The following ITPR3 variants were observed in gnomAD, a reference collection of about 807,000 sequenced individuals.
The protein encoded by ITPR3 is inositol 1,4,5-trisphosphate receptor type 3.
In ITPR3, 173 loss-of-function variants were observed where a neutral mutation model predicts 293.2. That is an observed-to-expected ratio of 0.59 (90% CI 0.52 to 0.67). The LOEUF (loss-of-function observed/expected upper bound fraction) is 0.67. Ranked by LOEUF, ITPR3 falls within the 30% of genes least tolerant of loss-of-function variation. The probability of loss-of-function intolerance (pLI) is 0.00; values close to 1 mark genes in which losing one functional copy is unlikely to be tolerated. For synonymous variants in ITPR3, 1,295 were observed against 1,444.4 expected, an observed-to-expected ratio of 0.90 and a Z score of 2.35; for missense variants, 2,796 against 3,592.1, an observed-to-expected ratio of 0.78 and a Z score of 5.66.
At chr6:33,661,902 A>G (rs1183896113) in intron 7 of ITPR3, among the ~76,000 whole-genome samples, 1 of 148,936 alleles carries the variant, frequency 6.7e-6, no homozygotes, top group Non-Finnish European at 1.5e-5. Flanking sequence ...AGGCAGAGGC[A>G]TGAGAATCAC....
At position 33,684,135 on chromosome 6, in the gene ITPR3, A is replaced by C. The variant is rs1765157748; in HGVS notation, c.4904A>C (p.Tyr1635Ser). 3.7e-6 allele frequency: 6 copies of C among 1,611,170 alleles called. No homozygotes were observed. The highest frequency in any genetic ancestry group is 5.1e-6 in the Non-Finnish European group (6 of 1,179,850). The change falls in exon 36 of 58, where the codon TAC becomes TCC. Residue 1635 changes from tyrosine to serine, a missense_variant. Transcript: ENST00000605930. The surrounding 1 kb of genome is among the most constrained non-coding windows in gnomAD (Gnocchi z 4.2). Reference protein sequence around the residue: ...ELLFLEGSEAYQRCESGGFLS... With the variant: ...ELLFLEGSEASQRCESGGFLS... The stretch of plus-strand genomic sequence containing the variant: ...CTCTTCCTGGAGGGCAGTGAGGCCT[A>C]CCAGCGCTGCGAGAGTGGGGGCTTC...
At chr6:33,653,663 C>T (rs1403885443) in intron 2 of ITPR3, among the ~76,000 whole-genome samples, 1 of 152,218 alleles carries the variant, frequency 6.6e-6, no homozygotes, top group Non-Finnish European at 1.5e-5. Flanking sequence ...TCCACCTATG[C>T]GTGTGGGCAG....
rs1353994010 is a variant in ITPR3, at chr6:33,682,328, G to A, written c.4477-196G>A. ...GGCCTTGGTGAGTTACAGGGCTGCC[G>A]TGTACAGTTGGGCAGGTCGTGCACT... On this transcript the variant is annotated intron_variant, in intron 33 of 57. Coordinates refer to ENST00000605930, the MANE Select transcript of ITPR3 (RefSeq NM_002224.4). The surrounding 1 kb of genome is among the most constrained non-coding windows in gnomAD (Gnocchi z 5.4). Among the ~76,000 whole-genome samples, 5 of 152,224 alleles carry A rather than the reference G, an allele frequency of 3.3e-5. No individual in the cohort carries two copies. Among genetic ancestry groups the A allele is most frequent in the African/African-American group, 7.2e-5 (3 of 41,454 alleles).
chr6:33,653,277 ACT>A (rs1491525944), intron 2 of ITPR3, among the ~76,000 whole-genome samples: 5 of 131,094 alleles, frequency 3.8e-5, no homozygotes, highest in Admixed American at 2.3e-4. Context: ...TTTTTTATTA[ACT>A]TTTTTTTTTT....
At chr6:33,637,328 A>C (rs979877990) in intron 1 of ITPR3, among the ~76,000 whole-genome samples, 1 of 152,190 alleles carries the variant, frequency 6.6e-6, no homozygotes, top group African/African-American at 2.4e-5. Context: ...AGAATGGCTC[A>C]CAGAACTCAG....
In ITPR3 at chr6:33,686,101, G is replaced by A. The variant is rs778763046; in HGVS notation, c.5716G>A (p.Glu1906Lys). 3.6e-5 allele frequency: 58 copies of A among 1,614,068 alleles called. No homozygotes were observed. The South Asian group carries it at 4.4e-4, about 12-fold the overall frequency. Reference sequence around the variant, plus strand: ...CAAAACCAACTACAACTTGGTATGCGAGACGCTGCAGTTCCTGGACATCAT... The same window carrying A: ...CAAAACCAACTACAACTTGGTATGCAAGACGCTGCAGTTCCTGGACATCAT... ...NNKTNYNLVCETLQFLDIMCG... is the reference protein window; with the variant it reads ...NNKTNYNLVCKTLQFLDIMCG... The change falls in exon 42 of 58, where the codon GAG (glutamate) becomes AAG (lysine). Residue 1906 changes from glutamate to lysine, a missense_variant. Coordinates refer to ENST00000605930, the MANE Select transcript of ITPR3 (RefSeq NM_002224.4).
At position 33,684,342 on chromosome 6, in the gene ITPR3, C is replaced by T. The variant is rs1765164589; in HGVS notation, c.4938-15C>T. 1.2e-6 allele frequency: 2 copies of T among 1,612,120 alleles called. No individual in the cohort carries two copies. Among genetic ancestry groups the T allele is most frequent in the Non-Finnish European group, 1.7e-6 (2 of 1,178,506 alleles). ...AGTGTGGGGCTGCCCTGAGCTGCCT[C>T]CTTGGCCGGCTCAGGCTGATCCAGC... is the stretch of plus-strand genomic sequence containing the variant. On this transcript the variant is annotated splice_polypyrimidine_tract_variant and intron_variant, in intron 36 of 57. Coordinates refer to ENST00000605930, the MANE Select transcript of ITPR3 (RefSeq NM_002224.4). This position sits in a 1 kb window ranked among gnomAD's most constrained non-coding sequence, Gnocchi z 4.2.
rs370348085 is a variant in ITPR3 at position 33,679,909 on chromosome 6, G to A, written c.4000G>A (p.Val1334Met). ...ELTNAGDDVVVFYNDKASLAH... is the reference protein window; with the variant it reads ...ELTNAGDDVVMFYNDKASLAH... Reference sequence around the variant, plus strand: ...GACCAATGCAGGTGACGATGTGGTCGTGTTCTACAATGATAAGGCATCGCT... The same window carrying A: ...GACCAATGCAGGTGACGATGTGGTCATGTTCTACAATGATAAGGCATCGCT... The change falls in exon 31 of 58, where the codon GTG becomes ATG. Residue 1334 changes from valine to methionine, a missense_variant. Physicochemically the swap from Val to Met is conservative, Grantham distance 21. This residue lies in a region of ITPR3 where 344 missense variants were observed against 460.3 expected (regional missense o/e 0.75). Transcript: ENST00000605930. The surrounding 1 kb of genome is among the most constrained non-coding windows in gnomAD (Gnocchi z 4.2). 24 of 1,613,650 alleles carry A rather than the reference G, an allele frequency of 1.5e-5. No individual in the cohort carries two copies. The highest frequency in any genetic ancestry group is 2.2e-5 in the East Asian group (1 of 44,866).
In ITPR3 at chr6:33,666,120, CAT is replaced by C; in HGVS notation, c.1551+145_1551+146del. ...GCCAGGGACTTCCCTAAGTACCCCA[CAT>C]GTGTTGACGAATTTGATCCTCACTG... On this transcript the variant is annotated intron_variant, in intron 14 of 57. Transcript: ENST00000605930. This position sits in a 1 kb window ranked among gnomAD's most constrained non-coding sequence, Gnocchi z 5.1. 1 of 905,046 alleles carries C rather than the reference CAT, an allele frequency of 1.1e-6. No homozygotes were observed. The highest frequency in any genetic ancestry group is 1.6e-6 in the Non-Finnish European group (1 of 621,986). The allele number at this position is 905,046 out of a possible 1,614,324, so 56.1% of individuals were successfully genotyped here.
rs1056840635 is a variant in ITPR3, at chr6:33,658,915, A to T, written c.528+87A>T. On this transcript the variant is annotated intron_variant, in intron 5 of 57. Coordinates refer to ENST00000605930, the MANE Select transcript of ITPR3 (RefSeq NM_002224.4). This position sits in a 1 kb window ranked among gnomAD's most constrained non-coding sequence, Gnocchi z 6.1. Reference sequence around the variant, plus strand: ...TTCGGTGTGGGGACTGGATAAGGGCATGCCCATTTCTTAGAAGGGCAGACT... The same window carrying T: ...TTCGGTGTGGGGACTGGATAAGGGCTTGCCCATTTCTTAGAAGGGCAGACT... The T allele has an allele frequency of 1.0e-5, 16 of 1,598,530 alleles. No individual in the cohort carries two copies. The African/African-American group carries it at 2.1e-4, about 21-fold the overall frequency.
chr6:33,681,663 G>A (rs1269004644), intron 33 of ITPR3, among the ~76,000 whole-genome samples: 1 of 152,190 alleles, frequency 6.6e-6, no homozygotes, highest in Non-Finnish European at 1.5e-5. Flanking sequence ...GGGCTACCTA[G>A]GGGCATAGGA....
At chr6:33,671,025 G>T in intron 20 of ITPR3, 140 bp from the exon 21 acceptor site, 1 of 1,436,910 alleles carries the variant, frequency 7.0e-7, no homozygotes, top group Non-Finnish European at 9.4e-7. Context: ...GCCTCTCCCT[G>T]CTCCGCTCTC....
At position 33,640,540 on chromosome 6, in the gene ITPR3, C is replaced by A; in HGVS notation, c.146C>A (p.Pro49His). ...EPAAGDLDNP[P>H]KKFRDCLFKV... ...GCGGCCGGGGACCTGGACAACCCCCCTAAGAAGTTCCGTGGTAAGACCTCC... is the reference window on the plus strand; with the variant it reads ...GCGGCCGGGGACCTGGACAACCCCCATAAGAAGTTCCGTGGTAAGACCTCC... The change falls in exon 2 of 58, where the codon CCT (proline) becomes CAT (histidine). Residue 49 changes from proline to histidine, a missense_variant. By Grantham distance (77) the Pro-to-His change is moderately conservative. Coordinates refer to ENST00000605930, the MANE Select transcript of ITPR3 (RefSeq NM_002224.4). 1.9e-6 allele frequency: 3 copies of A among 1,613,366 alleles called. No homozygotes were observed. Among genetic ancestry groups the A allele is most frequent in the Non-Finnish European group, 1.7e-6 (2 of 1,179,594 alleles).
intron 25 of ITPR3, 42 bp from the exon 26 acceptor site, chr6:33,676,726 C>G: frequency 6.2e-7 from 1 of 1,609,628 alleles, no homozygotes; most frequent in Non-Finnish European, 8.5e-7. Context: ...TGGCATGGAC[C>G]TGGAGCCCAT....
chr6:33,641,875 C>T (rs1222514949), intron 2 of ITPR3, among the ~76,000 whole-genome samples: 1 of 152,204 alleles, frequency 6.6e-6, no homozygotes, highest in Non-Finnish European at 1.5e-5. Flanking sequence ...AATACAAAAT[C>T]GCACTGCTGG....
rs1184638399 is a variant in ITPR3, at chr6:33,668,042, T to C, written c.1886+78T>C. The C allele has an allele frequency of 2.0e-6, 3 of 1,515,284 alleles. No homozygotes were observed. The African/African-American group carries it at 4.1e-5, about 21-fold the overall frequency. The allele number at this position is 1,515,284 out of a possible 1,614,324, so 93.9% of individuals were successfully genotyped here. On this transcript the variant is annotated intron_variant, in intron 16 of 57. Coordinates refer to ENST00000605930, the MANE Select transcript of ITPR3 (RefSeq NM_002224.4). Reference sequence around the variant, plus strand: ...CTGGGTAGAAACTCTGCTGGTTGTGTGAACTATTCCTGCACCTGTTGGTAA... The same window carrying C: ...CTGGGTAGAAACTCTGCTGGTTGTGCGAACTATTCCTGCACCTGTTGGTAA...
At position 33,686,494 on chromosome 6, in the gene ITPR3, G is replaced by A. The variant is rs771380184; in HGVS notation, c.5954G>A (p.Arg1985His). 1.3e-5 allele frequency: 21 copies of A among 1,613,980 alleles called. No homozygotes were observed. The highest frequency in any genetic ancestry group is 1.2e-4 in the South Asian group (11 of 91,086). The change falls in exon 43 of 58, where the codon CGC (arginine) becomes CAC (histidine). Residue 1985 changes from arginine (R) to histidine (H), a missense_variant. Transcript: ENST00000605930. ...GACATCAGCCCCCTGTGCAAGTACC[G>A]CATGGATCTGGTGCTGCAGCTCAAG... ...LNDISPLCKY[R>H]MDLVLQLKDN... is the part of the protein sequence containing the mutation.
At position 33,667,279 on chromosome 6, in the gene ITPR3, C is replaced by T. The variant is rs2127277353; in HGVS notation, c.1702C>T (p.Arg568Cys). The change falls in exon 15 of 58, where the codon CGC becomes TGC. Residue 568 changes from arginine to cysteine, a missense_variant. Physicochemically the swap from Arg to Cys is radical, Grantham distance 180 (BLOSUM62 -3). Transcript: ENST00000605930. The surrounding 1 kb of genome is among the most constrained non-coding windows in gnomAD (Gnocchi z 4.4). ...RVLRHSQEDY[R>C]KNQEHIAKQF... ...GTTGCGGCATTCCCAGGAGGACTACCGCAAGAACCAGGTGCGCCGCTGCCC... is the reference window on the plus strand; with the variant it reads ...GTTGCGGCATTCCCAGGAGGACTACTGCAAGAACCAGGTGCGCCGCTGCCC... 1 of 1,612,192 alleles carries T rather than the reference C, an allele frequency of 6.2e-7. No individual in the cohort carries two copies. Among genetic ancestry groups the T allele is most frequent in the Non-Finnish European group, 8.5e-7 (1 of 1,179,698 alleles).
intron 51 of ITPR3, 137 bp downstream of exon 51, chr6:33,690,335 G>A: frequency 1.1e-6 from 1 of 883,350 alleles, no homozygotes; most frequent in Non-Finnish European, 1.7e-6. Flanking sequence ...TGAAATTACA[G>A]AGTCTTCATC....
Sources: allele counts gnomAD v4.1 joint callset (sites outside exome capture counted in the v4.1 genomes callset), GRCh38; gene constraint gnomAD v4.1.1; regional missense constraint gnomAD v4.1.1; non-coding constraint Gnocchi (gnomAD v3.1); transcripts MANE v1.5; gene names NCBI Gene and HGNC (gene_info 2026-07-23, HGNC 2026-07-21).